The following DMRT1 variants were observed in gnomAD, a reference collection of about 807,000 sequenced individuals.
DMRT1 encodes the protein doublesex and mab-3 related transcription factor 1, also known as doublesex- and mab-3-related transcription factor 1.
A neutral mutation model predicts 32.3 loss-of-function variants in DMRT1; 7 were observed. The ratio of observed to expected loss-of-function variants is 0.22; its 90% confidence interval spans 0.12 to 0.41. DMRT1 has a LOEUF of 0.41. DMRT1 is among the 10% of genes least tolerant of loss of function. The pLI, the probability that DMRT1 is intolerant of heterozygous loss-of-function variation, is 1.00. For synonymous variants in DMRT1, 278 were observed against 206.1 expected (o/e 1.35, Z -2.99); for missense variants, 625 against 500.5 (o/e 1.25, Z -2.37).
intron 2 of DMRT1, among the ~76,000 whole-genome samples, chr9:850,095 A>G (rs772860057): frequency 6.6e-6 from 1 of 152,210 alleles, no homozygotes; most frequent in East Asian, 1.9e-4. Context: ...CTGGGATTAC[A>G]GGCGTGAGCC....
intron 3 of DMRT1, among the ~76,000 whole-genome samples, chr9:913,891 T>TG (rs1818078227): frequency 2.2e-5 from 1 of 45,294 alleles, no homozygotes; most frequent in South Asian, 1.2e-3. Flanking sequence ...AGACTCGGTC[T>TG]CAAACAATTT....
At chr9:877,788 C>T (rs1018883260) in intron 2 of DMRT1, among the ~76,000 whole-genome samples, 2 of 152,190 alleles carry the variant, frequency 1.3e-5, no homozygotes, top group Admixed American at 1.3e-4. Flanking sequence ...GGGTTATCAG[C>T]TCCCACACAA....
At chr9:874,801 CTTTTTTTTTTT>C (rs71327354) in intron 2 of DMRT1, among the ~76,000 whole-genome samples, 1 of 76,926 alleles carries the variant, frequency 1.3e-5, no homozygotes, top group Non-Finnish European at 2.2e-5. Context: ...ACAAGTTAAT[CTTTTTTTTTTT>C]TTTTTTTTTT....
intron 3 of DMRT1, among the ~76,000 whole-genome samples, chr9:909,174 T>C (rs1817884231): frequency 6.6e-6 from 1 of 152,050 alleles, no homozygotes; most frequent in South Asian, 2.1e-4. Context: ...TTCAGAGCTC[T>C]GGACACAAAA....
chr9:926,787 A>G (rs144366498), intron 4 of DMRT1, among the ~76,000 whole-genome samples: 1 of 152,290 alleles, frequency 6.6e-6, no homozygotes, highest in African/African-American at 2.4e-5. Context: ...TACTTACTAG[A>G]AAACATTGCC....
At chr9:850,723 A>T (rs968512524) in intron 2 of DMRT1, among the ~76,000 whole-genome samples, 1 of 122,746 alleles carries the variant, frequency 8.1e-6, no homozygotes, top group Non-Finnish European at 1.8e-5. Context: ...GTGACCTAGA[A>T]TTCCACTGTA....
Position 907,653 on chromosome 9 carries a change from CTG to C in DMRT1, c.823-9108_823-9107del, listed in dbSNP as rs1817824083. On this transcript the variant is annotated intron_variant, in intron 3 of 4. Transcript: ENST00000382276. ...TTAGATTGAGACCCACAGTAAGAAACTGTATTCCAGTATATATTTACACACAC... is the reference window on the plus strand; with the variant it reads ...TTAGATTGAGACCCACAGTAAGAAACTATTCCAGTATATATTTACACACAC... Among the ~76,000 whole-genome samples, 3 of 152,180 alleles carry C rather than the reference CTG, an allele frequency of 2.0e-5. No homozygotes were observed. In the South Asian group the frequency reaches 6.2e-4, roughly 31 times the overall value.
intron 2 of DMRT1, among the ~76,000 whole-genome samples, chr9:847,834 A>G (rs566132037): frequency 6.6e-6 from 1 of 152,306 alleles, no homozygotes; most frequent in African/African-American, 2.4e-5. Flanking sequence ...GTGGCTTTTT[A>G]AATTTAAATT....
intron 2 of DMRT1, among the ~76,000 whole-genome samples, chr9:861,407 C>T (rs1163834614): frequency 6.6e-6 from 1 of 151,092 alleles, no homozygotes; most frequent in Non-Finnish European, 1.5e-5. Context: ...TTAACAGCAT[C>T]CCAAGGCAGA....
chr9:901,252 A>C (rs912359684), intron 3 of DMRT1, among the ~76,000 whole-genome samples: 5 of 151,994 alleles, frequency 3.3e-5, no homozygotes, highest in African/African-American at 1.2e-4. Context: ...TGGACATTCA[A>C]GTGATCTGCC....
chr9:891,365 C>T lies in DMRT1; in HGVS notation c.539-2547C>T, dbSNP rs79885061. Among the ~76,000 whole-genome samples the T allele has an allele frequency of 8.7e-3, 1,324 of 151,980 alleles. 17 individuals are homozygous for T. The highest frequency in any genetic ancestry group is 0.03 in the African/African-American group (1,233 of 41,504). On this transcript the variant is annotated intron_variant, in intron 2 of 4. Transcript: ENST00000382276. ...ACTTGGGCTGCTGAGGTGGGAGGAT[C>T]GCTTGAGCCCAGAAGGAGGAAGTTG...
intron 2 of DMRT1, among the ~76,000 whole-genome samples, chr9:892,882 C>T (rs1296928618): frequency 6.6e-6 from 1 of 152,198 alleles, no homozygotes; most frequent in African/African-American, 2.4e-5. Context: ...CCCCCACTTT[C>T]CTGCTTCCAC....
intron 4 of DMRT1, among the ~76,000 whole-genome samples, chr9:928,269 C>G (rs1462397745): frequency 2.6e-5 from 4 of 152,190 alleles, no homozygotes; most frequent in African/African-American, 9.7e-5. Context: ...GTCCCATGAT[C>G]ATCTGCTTAA....
chr9:853,120 T>C (rs1457561575), intron 2 of DMRT1, among the ~76,000 whole-genome samples: 1 of 152,070 alleles, frequency 6.6e-6, no homozygotes, highest in Non-Finnish European at 1.5e-5. Context: ...CACAGCAAAA[T>C]TGAGAGGAAG....
rs188117445 is a variant in DMRT1 at position 875,617 on chromosome 9, C to T, written c.539-18295C>T. Among the ~76,000 whole-genome samples, 142 of 152,174 alleles carry T rather than the reference C, an allele frequency of 9.3e-4. 2 individuals carry two copies. Among genetic ancestry groups the T allele is most frequent in the Admixed American group, 7.8e-3 (119 of 15,284 alleles). On this transcript the variant is annotated intron_variant, in intron 2 of 4. Transcript: ENST00000382276. ...ATGATGGTGTGACTATAGTTGTGGGCCAGTTAGATAGCTTCTGTCATGCTG... is the reference window on the plus strand; with the variant it reads ...ATGATGGTGTGACTATAGTTGTGGGTCAGTTAGATAGCTTCTGTCATGCTG...
chr9:868,682 G>A (rs1816098805), intron 2 of DMRT1, among the ~76,000 whole-genome samples: 1 of 152,176 alleles, frequency 6.6e-6, no homozygotes, highest in Non-Finnish European at 1.5e-5. Flanking sequence ...TTTATGAATT[G>A]CAGAGTATAC....
intron 2 of DMRT1, among the ~76,000 whole-genome samples, chr9:893,603 C>A (rs543911182): frequency 1.2e-3 from 187 of 152,360 alleles, no homozygotes; most frequent in African/African-American, 4.4e-3. Flanking sequence ...TCTTCAGTTT[C>A]TTGACATTAG....
chr9:945,860 C>T (rs1421601940), intron 4 of DMRT1, among the ~76,000 whole-genome samples: 1 of 151,634 alleles, frequency 6.6e-6, no homozygotes, highest in African/African-American at 2.4e-5. Context: ...TGTGTTGTTC[C>T]AGACCTTTTG....
At chr9:964,583 T>G (rs930309477) in intron 4 of DMRT1, among the ~76,000 whole-genome samples, 2 of 152,204 alleles carry the variant, frequency 1.3e-5, no homozygotes, top group African/African-American at 4.8e-5. Context: ...TGGGAGGCTA[T>G]CAATGATTAT....
Sources: allele counts gnomAD v4.1 joint callset (sites outside exome capture counted in the v4.1 genomes callset), GRCh38; gene constraint gnomAD v4.1.1; transcripts MANE v1.5; gene names NCBI Gene and HGNC (gene_info 2026-07-23, HGNC 2026-07-21).